STS: variants seen among roughly 807,000 people sequenced by gnomAD.
The protein encoded by STS is steryl-sulfatase.
Under a neutral mutation model 26.8 loss-of-function variants are expected in STS, and 7 were observed. The observed-to-expected ratio is 0.26, with a 90% CI of 0.15 to 0.49. STS has a LOEUF of 0.49. STS is among the 20% of genes least tolerant of loss of function. STS has a pLI of 0.98. For missense variants in STS, 434 were observed against 465.6 expected (o/e 0.93, Z 0.63); for synonymous variants, 199 against 189.4 (o/e 1.05, Z -0.42).
chrX:7,251,264 ACT>A (rs1923126943), intron 2 of STS, among the ~76,000 whole-genome samples: 1 of 111,478 alleles, frequency 9.0e-6, no homozygotes, highest in Non-Finnish European at 1.9e-5. Flanking sequence ...GCAAACAGAG[ACT>A]CTGCAGAAAG....
At chrX:7,289,566 C>G (rs1376061694) in intron 7 of STS, among the ~76,000 whole-genome samples, 1 of 111,792 alleles carries the variant, frequency 8.9e-6, no homozygotes. Context: ...CTTCCCTGAC[C>G]TGTGGGTCCT....
chrX:7,289,641 G>T (rs764622454), intron 7 of STS, among the ~76,000 whole-genome samples: 1 of 111,290 alleles, frequency 9.0e-6, no homozygotes, highest in Non-Finnish European at 1.9e-5. Context: ...TCCTATGATG[G>T]TCATGAATCC....
intron 8 of STS, among the ~76,000 whole-genome samples, chrX:7,310,904 A>G (rs1926444505): frequency 9.0e-6 from 1 of 111,520 alleles, no homozygotes; most frequent in South Asian, 3.8e-4. Flanking sequence ...TAGGCATGTC[A>G]TCTCGGAAAG....
chrX:7,300,888 T>C (rs181487207), intron 7 of STS, among the ~76,000 whole-genome samples: 39 of 111,338 alleles, frequency 3.5e-4, no homozygotes, highest in Non-Finnish European at 6.0e-4. Flanking sequence ...GCAGGATATT[T>C]CAGTTGAGAG....
intron 7 of STS, among the ~76,000 whole-genome samples, chrX:7,300,813 T>G (rs1925927657): frequency 9.0e-6 from 1 of 111,597 alleles, no homozygotes; most frequent in South Asian, 3.7e-4. Context: ...TTAAATATCA[T>G]GGTCATTTGA....
chrX:7,275,926 T>TC (rs762605807), intron 6 of STS, 25 bp from the exon 7 acceptor site: 2 of 1,107,559 alleles, frequency 1.8e-6, no homozygotes, highest in Non-Finnish European at 2.4e-6. Flanking sequence ...TTTTTTTTCC[T>TC]CCCTTTTTTT....
At chrX:7,230,082 C>A (rs182099498) in intron 2 of STS, among the ~76,000 whole-genome samples, 4 of 110,051 alleles carry the variant, frequency 3.6e-5, no homozygotes, top group African/African-American at 1.3e-4. Context: ...GAGATGGGGT[C>A]TTTCTATGTT....
chrX:7,190,767 CAAA>C (rs35514726), intron 1 of STS, among the ~76,000 whole-genome samples, 110 bp from the exon 2 acceptor site: 1 of 98,173 alleles, frequency 1.0e-5, no homozygotes, highest in African/African-American at 3.7e-5. Context: ...GACCCTCTCT[CAAA>C]AAAAAAAATA....
chrX:7,309,247 A>G (rs757617391), intron 8 of STS, among the ~76,000 whole-genome samples: 1 of 111,796 alleles, frequency 8.9e-6, no homozygotes, highest in East Asian at 2.8e-4. Context: ...TGTAACTTGG[A>G]TGGAGCTGGA....
chrX:7,323,437 G>C (rs1250346552), intron 8 of STS, among the ~76,000 whole-genome samples: 1 of 110,894 alleles, frequency 9.0e-6, no homozygotes, highest in African/African-American at 3.3e-5. Context: ...TATGAGTACT[G>C]AATGTTTAGC....
chrX:7,185,269 T>C (rs1436901134), intron 1 of STS, among the ~76,000 whole-genome samples: 1 of 113,027 alleles, frequency 8.8e-6, no homozygotes, highest in Non-Finnish European at 1.9e-5. Flanking sequence ...ATTCTAACCC[T>C]ATCATCTAGG....
At chrX:7,239,108 G>T (rs1411501395) in intron 2 of STS, among the ~76,000 whole-genome samples, 1 of 111,645 alleles carries the variant, frequency 9.0e-6, no homozygotes, top group African/African-American at 3.3e-5. Context: ...CTGTTGTATA[G>T]TCGATAGAAA....
At chrX:7,203,393 C>CA (rs1279264430) in intron 2 of STS, among the ~76,000 whole-genome samples, 1 of 111,992 alleles carries the variant, frequency 8.9e-6, no homozygotes, top group Non-Finnish European at 1.9e-5. Context: ...TGACAAGGGA[C>CA]AGCTGCACAG....
chrX:7,336,883 G>A (rs1187721333), intron 10 of STS, among the ~76,000 whole-genome samples: 1 of 111,737 alleles, frequency 8.9e-6, no homozygotes, highest in Admixed American at 9.6e-5. Context: ...ACATTATGTG[G>A]AGGAGTAAAG....
chrX:7,192,535 G>T (rs1283844273), intron 2 of STS, among the ~76,000 whole-genome samples: 4 of 103,892 alleles, frequency 3.9e-5, no homozygotes, highest in Non-Finnish European at 5.9e-5. Flanking sequence ...CTGCACTCCA[G>T]CCTGGGCTAC....
intron 1 of STS, among the ~76,000 whole-genome samples, chrX:7,152,198 C>T (rs776547443): frequency 2.7e-5 from 3 of 111,197 alleles, no homozygotes; most frequent in Non-Finnish European, 3.8e-5. Flanking sequence ...GCGATCCGCC[C>T]CCCTCAGCCT....
At chrX:7,338,024 TTGAA>T (rs1353545476) in intron 10 of STS, among the ~76,000 whole-genome samples, 2 of 112,095 alleles carry the variant, frequency 1.8e-5, no homozygotes, top group African/African-American at 6.5e-5. Context: ...TCTCAGTAAA[TTGAA>T]TGACATAATT....
At chrX:7,296,662 T>C (rs192784689) in intron 7 of STS, among the ~76,000 whole-genome samples, 65 of 112,268 alleles carry the variant, frequency 5.8e-4, no homozygotes, top group African/African-American at 1.9e-3. Context: ...GTGTGCCCCA[T>C]GAACGTGAGA....
At chrX:7,312,221 C>A (rs753628253) in intron 8 of STS, among the ~76,000 whole-genome samples, 1 of 111,942 alleles carries the variant, frequency 8.9e-6, no homozygotes, top group East Asian at 2.8e-4. Context: ...TCCATCTCAT[C>A]TTTGGATGGA....
Sources: gnomAD v4.1 joint callset for allele counts (sites outside exome capture counted in the v4.1 genomes callset) on GRCh38, gnomAD v4.1.1 for gene constraint, MANE v1.5 for transcripts, NCBI Gene and HGNC (gene_info 2026-07-23, HGNC 2026-07-21) for gene names.